UBLCP1: variants seen among roughly 807,000 people sequenced by gnomAD.
The protein encoded by UBLCP1 is ubiquitin-like domain-containing CTD phosphatase 1.
A neutral mutation model predicts 42.4 loss-of-function variants in UBLCP1; 28 were observed. The observed-to-expected ratio is 0.66, with a 90% CI of 0.49 to 0.90. UBLCP1 has a LOEUF of 0.90. Ranked by LOEUF, UBLCP1 falls within the 40% of genes least tolerant of loss-of-function variation. The pLI is 0.00. For synonymous variants in UBLCP1, 122 were observed against 120.8 expected, an observed-to-expected ratio of 1.01 and a Z score of -0.07; for missense variants, 279 against 374.5, an observed-to-expected ratio of 0.75 and a Z score of 2.10.
intron 9 of UBLCP1, among the ~76,000 whole-genome samples, chr5:159,281,403 G>A (rs1173287645): frequency 6.6e-6 from 1 of 152,158 alleles, no homozygotes; most frequent in Non-Finnish European, 1.5e-5. Context: ...TCATGACTCT[G>A]TTTACTCCCA....
intron 8 of UBLCP1, chr5:159,275,466 G>A (rs568582939): frequency 1.9e-5 from 6 of 307,790 alleles, no homozygotes; most frequent in Non-Finnish European, 2.9e-5. Context: ...AGGCTGGAGT[G>A]CAGTGGTGCA....
intron 9 of UBLCP1, among the ~76,000 whole-genome samples, chr5:159,282,969 A>G (rs539174728): frequency 4.6e-5 from 7 of 152,210 alleles, no homozygotes; most frequent in Admixed American, 3.3e-4. Flanking sequence ...TTCAAGTGCA[A>G]TAAGAAAGCT....
At position 159,270,519 on chromosome 5, in the gene UBLCP1, T is replaced by C; in HGVS notation, c.333-9T>C. 1 of 1,606,906 alleles carries C rather than the reference T, an allele frequency of 6.2e-7. No individual in the cohort carries two copies. Among genetic ancestry groups the C allele is most frequent in the South Asian group, 1.1e-5 (1 of 89,742 alleles). On this transcript the variant is annotated splice_polypyrimidine_tract_variant and intron_variant, in intron 4 of 10. Coordinates refer to ENST00000296786, the MANE Select transcript of UBLCP1 (RefSeq NM_145049.5). Reference sequence around the variant, plus strand: ...TGAATATTTTATCTAATTATATGTTTTCCATTAGGGAAGAAAACCTACTGA... The same window carrying C: ...TGAATATTTTATCTAATTATATGTTCTCCATTAGGGAAGAAAACCTACTGA...
chr5:159,277,380 C>T (rs925450557), intron 8 of UBLCP1, among the ~76,000 whole-genome samples: 2 of 151,868 alleles, frequency 1.3e-5, no homozygotes, highest in African/African-American at 2.4e-5. Context: ...TATTTCTTAC[C>T]ACTTAATCTC....
chr5:159,267,604 T>C (rs1190140619), intron 1 of UBLCP1, among the ~76,000 whole-genome samples: 1 of 152,206 alleles, frequency 6.6e-6, no homozygotes, highest in African/African-American at 2.4e-5. Context: ...GGCAGAATGG[T>C]ACAGTTTGAC....
At chr5:159,266,778 C>A (rs1753399547) in intron 1 of UBLCP1, among the ~76,000 whole-genome samples, 1 of 152,242 alleles carries the variant, frequency 6.6e-6, no homozygotes, top group Admixed American at 6.5e-5. Context: ...AAGGGGCCAA[C>A]TTACAGCTTG....
chr5:159,283,075 T>C, intron 9 of UBLCP1, 137 bp from the exon 10 acceptor site: 1 of 821,522 alleles, frequency 1.2e-6, no homozygotes, highest in Non-Finnish European at 1.8e-6. Context: ...CTATTTAGGC[T>C]AATATAAAAG....
At chr5:159,271,711 A>G (rs139110426) in intron 5 of UBLCP1, among the ~76,000 whole-genome samples, 3,106 of 152,326 alleles carry the variant, frequency 0.02, 69 homozygotes, top group Non-Finnish European at 0.032. Context: ...TTTGTTTTTC[A>G]TTATTAAAAA....
intron 5 of UBLCP1, among the ~76,000 whole-genome samples, chr5:159,271,664 A>G (rs1160718289): frequency 6.6e-6 from 1 of 152,196 alleles, no homozygotes; most frequent in East Asian, 1.9e-4. Context: ...TTATATCTGC[A>G]AGGTAGATGA....
At chr5:159,273,362 G>A (rs1321352501) in intron 6 of UBLCP1, among the ~76,000 whole-genome samples, 1 of 152,072 alleles carries the variant, frequency 6.6e-6, no homozygotes, top group Non-Finnish European at 1.5e-5. Flanking sequence ...GATATTTTGT[G>A]GTAGTTCATT....
chr5:159,268,842 A>C, intron 1 of UBLCP1, 28 bp from the exon 2 acceptor site: 2 of 1,512,324 alleles, frequency 1.3e-6, no homozygotes, highest in South Asian at 1.2e-5. Context: ...ATCTATTTTA[A>C]CTTGTTCATT....
rs1300487685 is a variant in UBLCP1 at position 159,285,046 on chromosome 5, A to G, written c.*115A>G. 2 of 950,818 alleles carry G rather than the reference A, an allele frequency of 2.1e-6. No individual in the cohort carries two copies. The highest frequency in any genetic ancestry group is 1.7e-5 in the African/African-American group (1 of 59,784). The allele number at this position is 950,818 out of a possible 1,614,324, so 58.9% of individuals were successfully genotyped here. ...CTGAAGCAAATACCATACTGCTTAT[A>G]CTTGGTCTTCCAGTTTTTTGTAAAT... On this transcript the variant is annotated 3_prime_UTR_variant, in exon 11 of 11. Coordinates refer to ENST00000296786, the MANE Select transcript of UBLCP1 (RefSeq NM_145049.5).
chr5:159,272,139 G>A lies in UBLCP1; in HGVS notation c.547+18G>A. 6.3e-7 allele frequency: 1 copy of A among 1,597,224 alleles called. No homozygotes were observed. Among genetic ancestry groups the A allele is most frequent in the Non-Finnish European group, 8.6e-7 (1 of 1,166,646 alleles). On this transcript the variant is annotated intron_variant, in intron 6 of 10. Coordinates refer to ENST00000296786, the MANE Select transcript of UBLCP1 (RefSeq NM_145049.5). Reference sequence around the variant, plus strand: ...TATTTGGTGTAAGCTGTATTTTTTTGTTTAGATTTCCGTGGAAATAGGTTG... The same window carrying A: ...TATTTGGTGTAAGCTGTATTTTTTTATTTAGATTTCCGTGGAAATAGGTTG...
intron 8 of UBLCP1, chr5:159,275,483 C>T: frequency 3.7e-6 from 1 of 270,974 alleles, no homozygotes; most frequent in South Asian, 4.1e-5. Context: ...TGCAATCTCG[C>T]TCACGCAAGC....
In UBLCP1 at chr5:159,272,140, T is replaced by C. The variant is rs1226805918; in HGVS notation, c.547+19T>C. Reference sequence around the variant, plus strand: ...ATTTGGTGTAAGCTGTATTTTTTTGTTTAGATTTCCGTGGAAATAGGTTGT... The same window carrying C: ...ATTTGGTGTAAGCTGTATTTTTTTGCTTAGATTTCCGTGGAAATAGGTTGT... On this transcript the variant is annotated intron_variant, in intron 6 of 10. Coordinates refer to ENST00000296786, the MANE Select transcript of UBLCP1 (RefSeq NM_145049.5). 2.5e-6 allele frequency: 4 copies of C among 1,593,270 alleles called. No individual in the cohort carries two copies. The South Asian group carries it at 4.4e-5, about 18-fold the overall frequency.
In UBLCP1 at chr5:159,270,615, G is replaced by A. The variant is rs753953455; in HGVS notation, c.420G>A (p.Leu140=). ...LNPPREGKKL[L]VLDVDYTLFD... ...CTCCCAGGGAAGGGAAAAAGCTTTT[G>A]GTGCTAGATGTTGATTATACATTAT... is the stretch of plus-strand genomic sequence containing the variant. The change falls in exon 5 of 11, where the codon TTG becomes TTA. Residue 140 remains leucine, a synonymous_variant. Coordinates refer to ENST00000296786, the MANE Select transcript of UBLCP1 (RefSeq NM_145049.5). The A allele has an allele frequency of 6.2e-7, 1 of 1,607,594 alleles. No homozygotes were observed. Among genetic ancestry groups the A allele is most frequent in the South Asian group, 1.1e-5 (1 of 89,500 alleles).
At chr5:159,284,012 A>G (rs1243727429) in intron 10 of UBLCP1, among the ~76,000 whole-genome samples, 1 of 152,162 alleles carries the variant, frequency 6.6e-6, no homozygotes, top group Non-Finnish European at 1.5e-5. Context: ...ATCTTTGAGG[A>G]TCTGGTTCCA....
intron 8 of UBLCP1, among the ~76,000 whole-genome samples, chr5:159,276,920 A>T (rs1753544755): frequency 6.6e-6 from 1 of 152,016 alleles, no homozygotes; most frequent in Non-Finnish European, 1.5e-5. Flanking sequence ...GCTTTTCAGT[A>T]TTTTCATGTT....
chr5:159,270,681 CACA>C (rs1456380826), intron 5 of UBLCP1, 38 bp downstream of exon 5: 4 of 1,268,886 alleles, frequency 3.2e-6, no homozygotes, highest in African/African-American at 3.1e-5. Context: ...TTCTGTTACC[CACA>C]ACAACTCTTT....
Sources: allele counts gnomAD v4.1 joint callset (sites outside exome capture counted in the v4.1 genomes callset), GRCh38; gene constraint gnomAD v4.1.1; transcripts MANE v1.5; gene names NCBI Gene and HGNC (gene_info 2026-07-23, HGNC 2026-07-21).